Variants in ILDR1 observed in about 807,000 individuals in gnomAD.
ILDR1 encodes the protein immunoglobulin-like domain-containing receptor 1.
Under a neutral mutation model 62.4 loss-of-function variants are expected in ILDR1, and 56 were observed. The observed-to-expected ratio is 0.90, with a 90% CI of 0.72 to 1.12. ILDR1 has a LOEUF of 1.12. ILDR1 is among the 50% of genes most tolerant of loss of function. The pLI, the probability that ILDR1 is intolerant of heterozygous loss-of-function variation, is 0.00. For synonymous variants in ILDR1, 284 were observed against 277.8 expected, an observed-to-expected ratio of 1.02 and a Z score of -0.22; for missense variants, 736 against 710.6, an observed-to-expected ratio of 1.04 and a Z score of -0.41.
chr3:122,022,836 C>T (rs1210092651), upstream of ILDR1, among the ~76,000 whole-genome samples: 1 of 152,048 alleles, frequency 6.6e-6, no homozygotes, highest in East Asian at 1.9e-4. Context: ...TTACTTGAAC[C>T]TGGGAGGCGG....
the ILDR1 span, among the ~76,000 whole-genome samples, chr3:122,042,073 C>G: frequency 9.7e-6 from 1 of 103,534 alleles, no homozygotes; most frequent in Non-Finnish European, 1.9e-5. Context: ...CCCCTCCCCC[C>G]ACCCCACCAC....
At position 122,005,307 on chromosome 3, in the gene ILDR1, G is replaced by C; in HGVS notation, c.316C>G (p.Arg106Gly). 1 of 1,541,664 alleles carries C rather than the reference G, an allele frequency of 6.5e-7. No homozygotes were observed. Among genetic ancestry groups the C allele is most frequent in the Non-Finnish European group, 8.8e-7 (1 of 1,136,610 alleles). ...QREVRIVAQR[R>G]GQNEPVLGVD... Reference sequence around the variant, plus strand: ...CCCAGCACGGGCTCATTCTGCCCCCGCCGCTGGGCCACTATGCGAACTTCC... The same window carrying C: ...CCCAGCACGGGCTCATTCTGCCCCCCCCGCTGGGCCACTATGCGAACTTCC... Residue 106 changes from arginine (R) to glycine (G), a missense_variant, in exon 3 of 8, where the codon CGG (arginine) becomes GGG (glycine). Coordinates refer to ENST00000344209, the MANE Select transcript of ILDR1 (RefSeq NM_001199799.2).
chr3:121,994,153 C>A lies in ILDR1; in HGVS notation c.778+29G>T, dbSNP rs576716024. The A allele has an allele frequency of 6.1e-5, 94 of 1,535,312 alleles. 1 individual carries two copies. The South Asian group carries it at 1.1e-3, about 18-fold the overall frequency. ...GTTCCCGCCCTTGCCCTCTGCCCTC[C>A]CCTATCCCAAATCTCTGGAAGAGTT... On this transcript the variant is annotated intron_variant, in intron 6 of 7. Coordinates refer to ENST00000344209, the MANE Select transcript of ILDR1 (RefSeq NM_001199799.2).
At chr3:122,058,804 A>G in the ILDR1 span, among the ~76,000 whole-genome samples, 1 of 152,158 alleles carries the variant, frequency 6.6e-6, no homozygotes, top group Admixed American at 6.5e-5. Context: ...TTGGAGTGAC[A>G]AGGAGATCAT....
the ILDR1 span, among the ~76,000 whole-genome samples, chr3:122,029,735 A>T: frequency 5.3e-5 from 8 of 152,104 alleles, no homozygotes; most frequent in Non-Finnish European, 1.2e-4. Flanking sequence ...AGTTTTATGT[A>T]TCTTTGGCAT....
intron 2 of ILDR1, among the ~76,000 whole-genome samples, chr3:122,006,601 T>G (rs2071614013): frequency 1.3e-5 from 2 of 152,116 alleles, no homozygotes; most frequent in South Asian, 4.2e-4. Context: ...CACTCATCAT[T>G]TGTGCTGAGT....
At chr3:122,022,534 T>A (rs1258288807), upstream of ILDR1, among the ~76,000 whole-genome samples, 2 of 152,212 alleles carry the variant, frequency 1.3e-5, no homozygotes, top group Non-Finnish European at 2.9e-5. Context: ...TTCCATTCCC[T>A]TATAAATACT....
the ILDR1 span, among the ~76,000 whole-genome samples, chr3:122,060,614 T>G: frequency 1.3e-5 from 2 of 151,570 alleles, no homozygotes; most frequent in Non-Finnish European, 2.9e-5. Context: ...ATAGCGAGAC[T>G]CCCATTCCTA....
chr3:122,002,638 G>A (rs948097546), intron 3 of ILDR1, among the ~76,000 whole-genome samples: 3 of 151,714 alleles, frequency 2.0e-5, no homozygotes, highest in Non-Finnish European at 4.4e-5. Flanking sequence ...TAATTTTAAG[G>A]TCAGGGGTAT....
At chr3:122,024,573 C>G (rs2071905316), upstream of ILDR1, among the ~76,000 whole-genome samples, 1 of 152,188 alleles carries the variant, frequency 6.6e-6, no homozygotes, top group Non-Finnish European at 1.5e-5. Context: ...TCTCTGTCTA[C>G]TGTGTGCATC....
At chr3:121,999,369 A>G (rs2071483957) in intron 5 of ILDR1, among the ~76,000 whole-genome samples, 1 of 152,238 alleles carries the variant, frequency 6.6e-6, no homozygotes, top group East Asian at 1.9e-4. Context: ...AAAAAAATTA[A>G]AAACCTTCTA....
the ILDR1 span, among the ~76,000 whole-genome samples, chr3:122,032,917 T>C: frequency 6.6e-6 from 1 of 152,196 alleles, no homozygotes; most frequent in South Asian, 2.1e-4. Flanking sequence ...TGAGAGACAC[T>C]AAGTTAAAAA....
the ILDR1 span, among the ~76,000 whole-genome samples, chr3:122,059,655 GA>G: frequency 6.6e-6 from 1 of 152,180 alleles, no homozygotes; most frequent in African/African-American, 2.4e-5. Flanking sequence ...GATGTGACAT[GA>G]AAGGTAACTG....
At position 121,993,397 on chromosome 3, in the gene ILDR1, C is replaced by T. The variant is rs749946454; in HGVS notation, c.1352G>A (p.Ser451Asn). ...GTGCCTCTGAGTGCTCTCCCGGGGG[C>T]TGGGCCTGCGGGGCCTCTCCTGACA... ...SRCQERPRRP[S>N]PRESTQRHGR... Residue 451 changes from serine to asparagine, a missense_variant, in exon 7 of 8, where the codon AGC becomes AAC. Transcript: ENST00000344209. The T allele has an allele frequency of 6.2e-7, 1 of 1,613,326 alleles. No homozygotes were observed. The highest frequency in any genetic ancestry group is 1.1e-5 in the South Asian group (1 of 91,050).
intron 3 of ILDR1, among the ~76,000 whole-genome samples, chr3:122,003,101 C>T (rs1228028267): frequency 2.0e-5 from 3 of 152,192 alleles, no homozygotes; most frequent in African/African-American, 7.2e-5. Context: ...AAAATCCAGT[C>T]AAAGGCATCA....
intron 7 of ILDR1, among the ~76,000 whole-genome samples, chr3:121,988,631 C>G (rs1010531168): frequency 2.6e-5 from 4 of 152,176 alleles, no homozygotes; most frequent in Non-Finnish European, 5.9e-5. Context: ...CCTCAAATAC[C>G]TTTAATTTCT....
rs187970513 is a variant in ILDR1 at position 122,011,513 on chromosome 3, T to C, written c.59-4352A>G. Among the ~76,000 whole-genome samples the C allele has an allele frequency of 2.7e-3, 405 of 152,138 alleles. 2 individuals carry two copies. Among genetic ancestry groups the C allele is most frequent in the Non-Finnish European group, 4.9e-3 (332 of 68,002 alleles). ...TCTTCTCTTCTATTTCATCCCTGTGTGAATATCAAGCCTTGATATCTGCCA... is the reference window on the plus strand; with the variant it reads ...TCTTCTCTTCTATTTCATCCCTGTGCGAATATCAAGCCTTGATATCTGCCA... On this transcript the variant is annotated intron_variant, in intron 1 of 7. Coordinates refer to ENST00000344209, the MANE Select transcript of ILDR1 (RefSeq NM_001199799.2).
Position 121,993,744 on chromosome 3 carries a change from C to T in ILDR1, c.1005G>A (p.Leu335=). The T allele has an allele frequency of 6.2e-7, 1 of 1,614,142 alleles. No homozygotes were observed. Among genetic ancestry groups the T allele is most frequent in the Non-Finnish European group, 8.5e-7 (1 of 1,180,000 alleles). Residue 335 remains leucine (L), a synonymous_variant, in exon 7 of 8, where the codon CTG becomes CTA. Transcript: ENST00000344209. ...VERRIIHLPP[L]IRDLSSSRRT... The stretch of plus-strand genomic sequence containing the variant: ...TCCTTGAGGATGACAGGTCTCTGAT[C>T]AGTGGGGGCAGGTGGATGATTCTGC...
At chr3:122,012,195 A>G (rs1283167504) in intron 1 of ILDR1, among the ~76,000 whole-genome samples, 1 of 152,242 alleles carries the variant, frequency 6.6e-6, no homozygotes, top group Non-Finnish European at 1.5e-5. Flanking sequence ...AGTTTTCAAG[A>G]AAGGACCCAA....
Sources: allele counts gnomAD v4.1 joint callset (sites outside exome capture counted in the v4.1 genomes callset), GRCh38; gene constraint gnomAD v4.1.1; transcripts MANE v1.5; gene names NCBI Gene and HGNC (gene_info 2026-07-23, HGNC 2026-07-21).